The following KHDRBS1 variants were observed in gnomAD, a reference collection of about 807,000 sequenced individuals.
KHDRBS1 encodes KH domain-containing, RNA-binding, signal transduction-associated protein 1.
KHDRBS1 carries 7 observed loss-of-function variants against 48.4 expected under a neutral mutation model. The ratio of observed to expected loss-of-function variants is 0.14; its 90% CI spans 0.08 to 0.27. KHDRBS1 has a LOEUF of 0.27. KHDRBS1 is among the 10% of genes least tolerant of loss of function. The pLI, the probability that KHDRBS1 is intolerant of heterozygous loss-of-function variation, is 1.00. For synonymous variants in KHDRBS1, 241 were observed against 235.8 expected, an observed-to-expected ratio of 1.02 and a Z score of -0.20; for missense variants, 458 against 601.2, an observed-to-expected ratio of 0.76 and a Z score of 2.49.
chr1:32,057,485 C>CT (rs931055192), intron 10 of KHDRBS1, among the ~76,000 whole-genome samples: 3,093 of 132,510 alleles, frequency 0.023, 35 homozygotes, highest in African/African-American at 0.03. Context: ...TTCTTCTTTT[C>CT]TTTTTTTTTT....
At chr1:32,023,885 C>T (rs1638910031) in intron 1 of KHDRBS1, among the ~76,000 whole-genome samples, 1 of 152,182 alleles carries the variant, frequency 6.6e-6, no homozygotes, top group South Asian at 2.1e-4. Context: ...TAAAAGTCAG[C>T]TCTTCCTTGC....
chr1:32,021,184 A>C (rs2124360786), intron 1 of KHDRBS1, among the ~76,000 whole-genome samples: 1 of 152,228 alleles, frequency 6.6e-6, no homozygotes, highest in African/African-American at 2.4e-5. Context: ...GATTTGGGAG[A>C]CCATAGTCAA....
At chr1:32,030,830 T>TG (rs1396432587) in intron 2 of KHDRBS1, among the ~76,000 whole-genome samples, 1 of 138,424 alleles carries the variant, frequency 7.2e-6, no homozygotes, top group African/African-American at 3.5e-5. Context: ...AAGTAAATGC[T>TG]TTTTTTCTTC....
At chr1:32,029,347 A>G (rs1569787186) in intron 1 of KHDRBS1, among the ~76,000 whole-genome samples, 2 of 152,218 alleles carry the variant, frequency 1.3e-5, no homozygotes, top group Admixed American at 1.3e-4. Context: ...TTATACTTCA[A>G]TAAAATGTTT....
intron 10 of KHDRBS1, among the ~76,000 whole-genome samples, chr1:32,053,101 C>T (rs1639443248): frequency 6.6e-6 from 1 of 152,126 alleles, no homozygotes; most frequent in East Asian, 1.9e-4. Context: ...TGCAGTGAGT[C>T]ATGATCATGA....
intron 3 of KHDRBS1, among the ~76,000 whole-genome samples, chr1:32,032,412 G>A (rs897019429): frequency 3.3e-5 from 5 of 152,106 alleles, no homozygotes; most frequent in Non-Finnish European, 7.4e-5. Flanking sequence ...AGATTTACAT[G>A]AGCTTTTCTT....
intron 7 of KHDRBS1, among the ~76,000 whole-genome samples, chr1:32,039,254 T>C (rs538373720): frequency 9.8e-5 from 15 of 152,362 alleles, no homozygotes; most frequent in African/African-American, 3.6e-4. Flanking sequence ...ATATATGCTA[T>C]ATTAAAAGGG....
intron 1 of KHDRBS1, among the ~76,000 whole-genome samples, chr1:32,018,572 A>G (rs1402062981): frequency 1.3e-5 from 2 of 151,380 alleles, no homozygotes; most frequent in Non-Finnish European, 2.9e-5. Context: ...TGGCTAACAC[A>G]GTGAAACCCC....
intron 10 of KHDRBS1, chr1:32,052,715 T>C (rs1356810063): frequency 1.3e-5 from 2 of 152,030 alleles, no homozygotes; most frequent in African/African-American, 4.8e-5. Flanking sequence ...TCTTTTCACA[T>C]CAAGTACAAG....
At chr1:32,020,029 A>G (rs1249375589) in intron 1 of KHDRBS1, among the ~76,000 whole-genome samples, 1 of 151,860 alleles carries the variant, frequency 6.6e-6, no homozygotes, top group African/African-American at 2.4e-5. Context: ...CAGCCTCCCA[A>G]AGTGCCTGTG....
chr1:32,024,240 G>A lies in KHDRBS1; in HGVS notation c.383-6058G>A, dbSNP rs969655886. Among the ~76,000 whole-genome samples, 13 of 151,860 alleles carry A rather than the reference G, an allele frequency of 8.6e-5. No individual in the cohort carries two copies. The East Asian group carries it at 2.3e-3, about 27-fold the overall frequency. On this transcript the variant is annotated intron_variant, in intron 1 of 8. Transcript: ENST00000327300. ...TGCACTCCAGCCTGGGCGACAGAGT[G>A]AGACTTCGTTTCAAAAAAAAAAAGT... is the stretch of plus-strand genomic sequence containing the variant.
At chr1:32,033,133 A>G in intron 3 of KHDRBS1, 55 bp from the exon 4 acceptor site, 1 of 1,430,980 alleles carries the variant, frequency 7.0e-7, no homozygotes, top group African/African-American at 1.4e-5. Context: ...TTAGAGGTAA[A>G]GGTGGTGTTT....
At chr1:32,053,214 C>G (rs1639444220) in intron 10 of KHDRBS1, among the ~76,000 whole-genome samples, 1 of 152,138 alleles carries the variant, frequency 6.6e-6, no homozygotes, top group South Asian at 2.1e-4. Context: ...TCATCATGTT[C>G]TCTTGCAGAA....
Position 32,032,393 on chromosome 1 carries a change from T to C in KHDRBS1, c.624+753T>C, listed in dbSNP as rs985916367. 2.6e-5 allele frequency among the ~76,000 whole-genome samples: 4 copies of C among 152,204 alleles called. No individual in the cohort carries two copies. The South Asian group carries it at 6.2e-4, about 24-fold the overall frequency. On this transcript the variant is annotated intron_variant, in intron 3 of 8. Coordinates refer to ENST00000327300, the MANE Select transcript of KHDRBS1 (RefSeq NM_006559.3). Reference sequence around the variant, plus strand: ...ATATAGTTACGGCTGAAGTGTGTTCTAACTAATGAGATTTACATGAGCTTT... The same window carrying C: ...ATATAGTTACGGCTGAAGTGTGTTCCAACTAATGAGATTTACATGAGCTTT...
chr1:32,039,662 A>G, intron 8 of KHDRBS1, 89 bp downstream of exon 8: 1 of 780,966 alleles, frequency 1.3e-6, no homozygotes, highest in South Asian at 1.4e-5. Flanking sequence ...TCAGACAAAC[A>G]CACCTACGGA....
At chr1:32,023,156 A>T (rs556299939) in intron 1 of KHDRBS1, among the ~76,000 whole-genome samples, 35 of 152,200 alleles carry the variant, frequency 2.3e-4, no homozygotes, top group Admixed American at 6.6e-4. Context: ...TTCCTCCAAG[A>T]TATATTAAGC....
At chr1:32,014,856 A>G (rs1255802915) in intron 1 of KHDRBS1, among the ~76,000 whole-genome samples, 1 of 152,180 alleles carries the variant, frequency 6.6e-6, no homozygotes, top group Admixed American at 6.5e-5. Context: ...TGAGGCTGGA[A>G]TGCCCTGTCC....
rs1226240058 is a variant in KHDRBS1, at chr1:32,013,911, C to G, written c.-85C>G. 7.1e-6 allele frequency: 9 copies of G among 1,269,918 alleles called. No homozygotes were observed. In the Admixed American group the frequency reaches 1.2e-4, roughly 17 times the overall value. 78.7% of individuals were successfully genotyped at this position (1,269,918 alleles called of 1,614,324 possible). A position where few individuals can be genotyped will look rare whatever the true frequency, so the allele number is the denominator to read the frequency against. On this transcript the variant is annotated 5_prime_UTR_variant, in exon 1 of 9. Coordinates refer to ENST00000327300, the MANE Select transcript of KHDRBS1 (RefSeq NM_006559.3). The stretch of plus-strand genomic sequence containing the variant: ...GGTCGGCTTCGGTCGCTACCGCTCC[C>G]GCTCTGCCACCCCCGCCAACCGCCG...
chr1:32,047,742 G>A (rs1029312530), downstream of KHDRBS1, among the ~76,000 whole-genome samples: 13 of 152,080 alleles, frequency 8.5e-5, no homozygotes, highest in African/African-American at 2.4e-4. Flanking sequence ...ATTTTAAAGT[G>A]TACAATGCAG....
Sources: gnomAD v4.1 joint callset for allele counts (sites outside exome capture counted in the v4.1 genomes callset) on GRCh38, gnomAD v4.1.1 for gene constraint, MANE v1.5 for transcripts, NCBI Gene and HGNC (gene_info 2026-07-23, HGNC 2026-07-21) for gene names.